Variants in WWOX observed in about 807,000 individuals in gnomAD.
WWOX encodes WW domain-containing oxidoreductase.
In WWOX, 69 loss-of-function variants were observed where a neutral mutation model predicts 46.2. That is an observed-to-expected ratio of 1.49 (90% CI 1.23 to 1.82). The LOEUF (loss-of-function observed/expected upper bound fraction) is 1.82, where lower values mean the gene tolerates loss of function less well. Among genes scored for constraint, WWOX ranks in the 40% most tolerant of loss-of-function variants. The pLI is 0.00. For synonymous variants in WWOX, 359 were observed against 202.6 expected, an observed-to-expected ratio of 1.77 and a Z score of -6.56; for missense variants, 919 against 542.6, an observed-to-expected ratio of 1.69 and a Z score of -6.89.
intron 8 of WWOX, among the ~76,000 whole-genome samples, chr16:78,933,625 A>T (rs973556307): frequency 6.6e-6 from 1 of 152,120 alleles, no homozygotes; most frequent in African/African-American, 2.4e-5. Context: ...CAAAAGAAAG[A>T]AGTTTATTGG....
chr16:78,529,337 A>G (rs2043562828), intron 8 of WWOX, among the ~76,000 whole-genome samples: 1 of 152,170 alleles, frequency 6.6e-6, no homozygotes, highest in African/African-American at 2.4e-5. Context: ...ACATAACCTC[A>G]TAGAAGTGAG....
chr16:78,534,140 A>G (rs1452537183), intron 8 of WWOX, among the ~76,000 whole-genome samples: 1 of 152,232 alleles, frequency 6.6e-6, no homozygotes, highest in Non-Finnish European at 1.5e-5. Context: ...CTATCTGGCT[A>G]CTTTTTAAAG....
At chr16:78,197,874 T>G (rs1185435275) in intron 5 of WWOX, among the ~76,000 whole-genome samples, 1 of 152,152 alleles carries the variant, frequency 6.6e-6, no homozygotes, top group Non-Finnish European at 1.5e-5. Flanking sequence ...CCCCCATATG[T>G]TTTAACTGCT....
intron 8 of WWOX, chr16:78,535,418 T>G (rs1291237030): frequency 6.6e-6 from 1 of 152,148 alleles, no homozygotes; most frequent in Non-Finnish European, 1.5e-5. Flanking sequence ...CAGCTAATTG[T>G]AGGATTCTAT....
chr16:78,422,690 C>CACACACATATATATAT (rs1567563307), intron 6 of WWOX, among the ~76,000 whole-genome samples: 10 of 20,724 alleles, frequency 4.8e-4, no homozygotes, highest in African/African-American at 1.5e-3. Flanking sequence ...TATATACACA[C>CACACACATATATATAT]ACACACACAC....
intron 4 of WWOX, among the ~76,000 whole-genome samples, chr16:78,151,424 G>C (rs191200180): frequency 6.6e-6 from 1 of 152,064 alleles, no homozygotes; most frequent in Non-Finnish European, 1.5e-5. Context: ...TACATGAAAT[G>C]ACAATGACAC....
chr16:78,517,451 G>A (rs573336870), intron 8 of WWOX, among the ~76,000 whole-genome samples: 4 of 152,274 alleles, frequency 2.6e-5, no homozygotes, highest in Non-Finnish European at 4.4e-5. Flanking sequence ...TGAATGTCTT[G>A]TTCGACGCTT....
intron 8 of WWOX, among the ~76,000 whole-genome samples, chr16:79,051,484 A>T (rs1057099046): frequency 6.6e-6 from 1 of 150,522 alleles, no homozygotes; most frequent in African/African-American, 2.4e-5. Flanking sequence ...TCTCCAGGCC[A>T]CTAACACTTA....
intron 8 of WWOX, among the ~76,000 whole-genome samples, chr16:79,068,873 A>G (rs2150561696): frequency 6.6e-6 from 1 of 150,994 alleles, no homozygotes; most frequent in Non-Finnish European, 1.5e-5. Flanking sequence ...AAAGAAAGCG[A>G]GAGAGGAGGT....
intron 8 of WWOX, among the ~76,000 whole-genome samples, chr16:78,463,996 C>A (rs1336465531): frequency 6.6e-6 from 1 of 152,098 alleles, no homozygotes; most frequent in African/African-American, 2.4e-5. Flanking sequence ...GGTTGTTGAT[C>A]TGGCGGTCAG....
intron 8 of WWOX, among the ~76,000 whole-genome samples, chr16:78,882,277 G>A (rs1173224246): frequency 1.3e-5 from 2 of 152,130 alleles, no homozygotes; most frequent in Admixed American, 6.5e-5. Flanking sequence ...TACCTAGGGA[G>A]CCAGGACAGT....
Position 78,189,985 on chromosome 16 carries a change from A to G in WWOX, c.516+25696A>G, listed in dbSNP as rs532577517. Among the ~76,000 whole-genome samples the G allele has an allele frequency of 5.9e-5, 9 of 152,156 alleles. No individual in the cohort carries two copies. In the East Asian group the frequency reaches 1.7e-3, roughly 29 times the overall value. ...CCTTCTTACTTTTCCTCAAGAACTC[A>G]CTTCCCACCCAAACCTTTCCTATTG... On this transcript the variant is annotated intron_variant, in intron 5 of 8. Coordinates refer to ENST00000566780, the MANE Select transcript of WWOX (RefSeq NM_016373.4).
chr16:78,632,105 C>G (rs887915306), intron 8 of WWOX, among the ~76,000 whole-genome samples: 3 of 152,116 alleles, frequency 2.0e-5, no homozygotes, highest in Non-Finnish European at 4.4e-5. Flanking sequence ...TCGCAAGGAG[C>G]TGCTTGATAG....
intron 8 of WWOX, among the ~76,000 whole-genome samples, chr16:78,464,948 G>C (rs909861339): frequency 6.6e-6 from 1 of 152,202 alleles, no homozygotes; most frequent in African/African-American, 2.4e-5. Flanking sequence ...TCACCTGGCT[G>C]GGGAGGCCTC....
chr16:78,309,924 A>C (rs1460578419), intron 5 of WWOX, among the ~76,000 whole-genome samples: 1 of 152,062 alleles, frequency 6.6e-6, no homozygotes, highest in Non-Finnish European at 1.5e-5. Flanking sequence ...GTATGGCAGG[A>C]TTTGGGGGAG....
chr16:78,369,147 A>C (rs1408008838), intron 5 of WWOX, among the ~76,000 whole-genome samples: 1 of 152,094 alleles, frequency 6.6e-6, no homozygotes, highest in African/African-American at 2.4e-5. Context: ...TTAATGTGGA[A>C]AATTAGGAGC....
intron 8 of WWOX, chr16:79,101,868 G>A (rs777878420): frequency 4.6e-5 from 7 of 151,414 alleles, no homozygotes; most frequent in East Asian, 1.9e-4. Context: ...GAAGTACAGC[G>A]TTTTGGAGAG....
intron 8 of WWOX, among the ~76,000 whole-genome samples, chr16:78,649,125 C>T (rs1014586888): frequency 6.6e-6 from 1 of 152,054 alleles, no homozygotes; most frequent in Non-Finnish European, 1.5e-5. Context: ...AGGCGCCCAC[C>T]ACCAAGCCCA....
intron 8 of WWOX, among the ~76,000 whole-genome samples, chr16:78,859,001 TAAAAAAAAA>T (rs542176032): frequency 2.0e-4 from 9 of 44,328 alleles, no homozygotes; most frequent in Non-Finnish European, 3.3e-4. Context: ...TTTTGAAATT[TAAAAAAAAA>T]AAAAAAAAAA....
Sources: allele counts gnomAD v4.1 joint callset (sites outside exome capture counted in the v4.1 genomes callset), GRCh38; gene constraint gnomAD v4.1.1; transcripts MANE v1.5; gene names NCBI Gene and HGNC (gene_info 2026-07-23, HGNC 2026-07-21).